CADPS: variants seen among roughly 807,000 people sequenced by gnomAD.
CADPS encodes the protein calcium dependent secretion activator, also known as calcium-dependent secretion activator 1.
In CADPS, 57 loss-of-function variants were observed where a neutral mutation model predicts 167.3. The observed-to-expected ratio is 0.34, with a 90% CI of 0.28 to 0.42. The LOEUF (loss-of-function observed/expected upper bound fraction) is 0.42. Ranked by LOEUF, CADPS falls within the 20% of genes least tolerant of loss-of-function variation. The probability of loss-of-function intolerance (pLI) is 1.00; values close to 1 mark genes in which losing one functional copy is unlikely to be tolerated. For missense variants in CADPS, 1,414 were observed against 1,738.1 expected, an observed-to-expected ratio of 0.81 and a Z score of 3.32; for synonymous variants, 676 against 635.3, an observed-to-expected ratio of 1.06 and a Z score of -0.96.
intron 1 of CADPS, among the ~76,000 whole-genome samples, chr3:62,767,283 G>A (rs1245823986): frequency 2.6e-5 from 4 of 152,052 alleles, no homozygotes; most frequent in Middle Eastern, 3.2e-3. Flanking sequence ...TGTGTCATCT[G>A]GAAAAAGCGA....
At chr3:62,666,065 G>C (rs557885790) in intron 3 of CADPS, among the ~76,000 whole-genome samples, 2 of 152,328 alleles carry the variant, frequency 1.3e-5, no homozygotes, top group East Asian at 3.9e-4. Flanking sequence ...TCACTGGCGT[G>C]AATGTAGGGT....
intron 28 of CADPS, among the ~76,000 whole-genome samples, chr3:62,414,996 G>A (rs2049745202): frequency 6.6e-6 from 1 of 152,058 alleles, no homozygotes; most frequent in Non-Finnish European, 1.5e-5. Flanking sequence ...GGCAAAAGCG[G>A]GACACAGACC....
chr3:62,406,473 A>T (rs961126328), intron 28 of CADPS, among the ~76,000 whole-genome samples: 4 of 152,212 alleles, frequency 2.6e-5, no homozygotes, highest in Admixed American at 2.6e-4. Flanking sequence ...CTTGGTTCAG[A>T]TATGCCTTTT....
chr3:62,778,779 C>T (rs562448780), intron 1 of CADPS, among the ~76,000 whole-genome samples: 36 of 152,252 alleles, frequency 2.4e-4, no homozygotes, highest in African/African-American at 6.7e-4. Flanking sequence ...ACTTGCTGAA[C>T]GAACTCAACT....
chr3:62,520,667 T>C (rs2070296340), intron 13 of CADPS, among the ~76,000 whole-genome samples: 1 of 152,220 alleles, frequency 6.6e-6, no homozygotes, highest in Admixed American at 6.6e-5. Context: ...AACAATTTGA[T>C]GTCGAATGAT....
intron 1 of CADPS, among the ~76,000 whole-genome samples, chr3:62,822,080 A>G (rs986733505): frequency 6.6e-6 from 1 of 152,164 alleles, no homozygotes; most frequent in African/African-American, 2.4e-5. Flanking sequence ...TCTTTCTCTC[A>G]GCTAAAGGCT....
intron 1 of CADPS, among the ~76,000 whole-genome samples, chr3:62,767,813 G>C (rs1476246681): frequency 6.6e-6 from 1 of 152,040 alleles, no homozygotes; most frequent in Non-Finnish European, 1.5e-5. Flanking sequence ...ATAGAAACAA[G>C]TGAAATGAAT....
chr3:62,656,474 G>A (rs909175967), intron 4 of CADPS, among the ~76,000 whole-genome samples: 1 of 152,282 alleles, frequency 6.6e-6, no homozygotes, highest in South Asian at 2.1e-4. Context: ...CAGAGTTTTT[G>A]TTCTTAGCTA....
chr3:62,550,145 T>G lies in CADPS; in HGVS notation c.1754-30A>C, dbSNP rs778729615. On this transcript the variant is annotated intron_variant, in intron 10 of 29. Transcript: ENST00000383710. ...AAGAAAAGGGAGTAACAACTTCTAC[T>G]AAGCTGAGCTGTGATGTTCTCAACT... 3.8e-6 allele frequency: 6 copies of G among 1,559,876 alleles called. No individual in the cohort carries two copies. The East Asian group carries it at 1.1e-4, about 29-fold the overall frequency.
chr3:62,436,594 G>T (rs2055103688), intron 28 of CADPS, among the ~76,000 whole-genome samples: 1 of 152,210 alleles, frequency 6.6e-6, no homozygotes, highest in Non-Finnish European at 1.5e-5. Context: ...TGCATGCAGA[G>T]AAGGGGGAGG....
At chr3:62,486,988 T>C (rs1446215241) in intron 21 of CADPS, among the ~76,000 whole-genome samples, 1 of 152,222 alleles carries the variant, frequency 6.6e-6, no homozygotes, top group Admixed American at 6.5e-5. Flanking sequence ...ATGGCAATGG[T>C]AAACTGACAG....
At chr3:62,865,543 A>G (rs2081533039) in intron 1 of CADPS, among the ~76,000 whole-genome samples, 1 of 152,126 alleles carries the variant, frequency 6.6e-6, no homozygotes. Context: ...CATATCTCTC[A>G]ATTTTAGAAT....
chr3:62,786,259 A>G (rs935348990), intron 1 of CADPS, among the ~76,000 whole-genome samples: 2 of 152,152 alleles, frequency 1.3e-5, no homozygotes, highest in Admixed American at 1.3e-4. Context: ...CTTGTTAATC[A>G]GTGAAAAAAA....
intron 6 of CADPS, among the ~76,000 whole-genome samples, chr3:62,616,438 G>C (rs1016665516): frequency 6.7e-6 from 1 of 150,040 alleles, no homozygotes; most frequent in Non-Finnish European, 1.5e-5. Flanking sequence ...AAAAAAATCA[G>C]ATACATGACA....
At chr3:62,859,879 G>C (rs532010873) in intron 1 of CADPS, among the ~76,000 whole-genome samples, 34 of 152,262 alleles carry the variant, frequency 2.2e-4, no homozygotes, top group Non-Finnish European at 4.4e-4. Flanking sequence ...ACAAGGTCAA[G>C]GCCAATCACT....
intron 6 of CADPS, among the ~76,000 whole-genome samples, chr3:62,633,180 G>A (rs999147401): frequency 1.3e-5 from 2 of 152,188 alleles, no homozygotes; most frequent in African/African-American, 4.8e-5. Flanking sequence ...CAATGGGAAT[G>A]AAAAGGAGAG....
intron 6 of CADPS, among the ~76,000 whole-genome samples, chr3:62,628,625 C>CCT (rs1554012361): frequency 6.9e-6 from 1 of 145,452 alleles, no homozygotes; most frequent in Non-Finnish European, 1.5e-5. Flanking sequence ...AACCATGAGC[C>CCT]TTTTTTTTTT....
At chr3:62,538,633 C>A (rs575471322) in intron 11 of CADPS, among the ~76,000 whole-genome samples, 1 of 152,128 alleles carries the variant, frequency 6.6e-6, no homozygotes, top group African/African-American at 2.4e-5. Flanking sequence ...ACTGACAAAC[C>A]GGCCGGGGCC....
intron 26 of CADPS, among the ~76,000 whole-genome samples, chr3:62,460,625 C>A (rs1428791845): frequency 6.6e-6 from 1 of 152,112 alleles, no homozygotes; most frequent in Non-Finnish European, 1.5e-5. Context: ...GGCTTTAGAC[C>A]CAGGTGGCAT....
Sources: allele counts gnomAD v4.1 joint callset (sites outside exome capture counted in the v4.1 genomes callset), GRCh38; gene constraint gnomAD v4.1.1; transcripts MANE v1.5; gene names NCBI Gene and HGNC (gene_info 2026-07-23, HGNC 2026-07-21).